NRG1: variants seen among roughly 807,000 people sequenced by gnomAD.
NRG1 encodes the protein pro-neuregulin-1, membrane-bound isoform.
In NRG1, 18 loss-of-function variants were observed where a neutral mutation model predicts 63.8. The observed-to-expected ratio is 0.28, with a 90% CI of 0.19 to 0.42. The LOEUF is 0.42. Among genes scored for constraint, NRG1 ranks in the 10% least tolerant of loss-of-function variants. The probability of loss-of-function intolerance (pLI) is 1.00; values close to 1 mark genes in which losing one functional copy is unlikely to be tolerated. For synonymous variants in NRG1, 302 were observed against 301.3 expected (o/e 1.00, Z -0.02); for missense variants, 762 against 814.7 (o/e 0.94, Z 0.79).
At chr8:32,045,552 G>A (rs779163982) in intron 1 of NRG1, among the ~76,000 whole-genome samples, 35 of 151,898 alleles carry the variant, frequency 2.3e-4, no homozygotes, top group Non-Finnish European at 5.0e-4. Flanking sequence ...GAGAAATTAT[G>A]TGCTCAATTT....
chr8:31,989,274 G>GAAAAAAAA (rs1554594375), intron 1 of NRG1, among the ~76,000 whole-genome samples: 1 of 57,246 alleles, frequency 1.7e-5, no homozygotes, highest in Non-Finnish European at 3.6e-5. Context: ...AAAAAAAAAA[G>GAAAAAAAA]AACAAAACAA....
In NRG1 at chr8:32,366,053, T is replaced by C. The variant is rs954126965; in HGVS notation, c.38-229775T>C. 7.2e-5 allele frequency among the ~76,000 whole-genome samples: 11 copies of C among 152,298 alleles called. No individual in the cohort carries two copies. In the East Asian group the frequency reaches 1.9e-3, roughly 27 times the overall value. ...GAGGTCAGTTGCTCCTCAAAACTCT[T>C]ATTTTTCAGAATTTTGTGCAGGAAT... is the stretch of plus-strand genomic sequence containing the variant. On this transcript the variant is annotated intron_variant, in intron 1 of 10. Transcript: ENST00000519301.
At chr8:31,773,203 GA>G (rs1818803366) in intron 1 of NRG1, among the ~76,000 whole-genome samples, 1 of 152,216 alleles carries the variant, frequency 6.6e-6, no homozygotes, top group South Asian at 2.1e-4. Context: ...TTAAAAAGGG[GA>G]AAGTGTGGCA....
chr8:32,733,924 A>AGACACG (rs1413823035), intron 6 of NRG1, among the ~76,000 whole-genome samples: 2 of 152,220 alleles, frequency 1.3e-5, no homozygotes, highest in African/African-American at 2.4e-5. Flanking sequence ...TCTTTCTCTG[A>AGACACG]GACACGGTAA....
At chr8:32,345,836 C>A (rs998257143) in intron 1 of NRG1, among the ~76,000 whole-genome samples, 1 of 151,626 alleles carries the variant, frequency 6.6e-6, no homozygotes, top group Non-Finnish European at 1.5e-5. Flanking sequence ...CGGCCAACCC[C>A]ATCTCTACTA....
At position 32,133,645 on chromosome 8, in the gene NRG1, G is replaced by T. The variant is rs4733111; in HGVS notation, c.38-462183G>T. On this transcript the variant is annotated intron_variant, in intron 1 of 10. Coordinates refer to the NRG1 transcript ENST00000519301. ...TTTTATTTTATCACTCATTATTAAT[G>T]CTTCATACGAAAACTAGATTTATGA... 7.1e-3 allele frequency among the ~76,000 whole-genome samples: 1,085 copies of T among 152,108 alleles called. 55 individuals carry two copies. Among genetic ancestry groups the T allele is most frequent in the Admixed American group, 0.063 (961 of 15,248 alleles).
intron 1 of NRG1, among the ~76,000 whole-genome samples, chr8:31,976,451 C>T (rs148495026): frequency 6.2e-4 from 94 of 152,262 alleles, no homozygotes; most frequent in African/African-American, 2.1e-3. Context: ...GCCCATGACG[C>T]TCACTACCAC....
At chr8:31,722,237 C>T (rs544383775) in intron 1 of NRG1, among the ~76,000 whole-genome samples, 1 of 152,200 alleles carries the variant, frequency 6.6e-6, no homozygotes, top group South Asian at 2.1e-4. Context: ...TGGTATACTA[C>T]TGCGATTTTC....
intron 1 of NRG1, among the ~76,000 whole-genome samples, chr8:31,768,732 A>G (rs1818323910): frequency 6.6e-6 from 1 of 152,180 alleles, no homozygotes; most frequent in Non-Finnish European, 1.5e-5. Context: ...TCCTTCTTAC[A>G]TAGAGACTTG....
intron 1 of NRG1, among the ~76,000 whole-genome samples, chr8:31,985,459 T>C (rs1809904736): frequency 6.6e-6 from 1 of 152,086 alleles, no homozygotes; most frequent in Non-Finnish European, 1.5e-5. Context: ...TCATGGTCAC[T>C]AAAAGAAGGG....
intron 1 of NRG1, among the ~76,000 whole-genome samples, chr8:31,967,056 A>T (rs917988654): frequency 1.3e-5 from 2 of 152,148 alleles, no homozygotes; most frequent in African/African-American, 4.8e-5. Flanking sequence ...GTATTTAGTG[A>T]TTATGTGCTA....
chr8:32,553,057 C>T (rs1834451851), intron 1 of NRG1, among the ~76,000 whole-genome samples: 1 of 152,186 alleles, frequency 6.6e-6, no homozygotes, highest in African/African-American at 2.4e-5. Flanking sequence ...TGCCAGATGG[C>T]CTAGTCCTTA....
intron 1 of NRG1, among the ~76,000 whole-genome samples, chr8:32,058,912 CTG>C (rs1162245433): frequency 6.6e-6 from 1 of 152,016 alleles, no homozygotes; most frequent in Non-Finnish European, 1.5e-5. Context: ...ATCACTCTTT[CTG>C]TGTTTAGATT....
At chr8:32,513,897 A>G (rs928905474) in intron 1 of NRG1, among the ~76,000 whole-genome samples, 1 of 152,292 alleles carries the variant, frequency 6.6e-6, no homozygotes, top group South Asian at 2.1e-4. Context: ...AAAACGGACC[A>G]TCTAAATGGG....
chr8:32,141,400 T>C (rs567576229), intron 1 of NRG1, among the ~76,000 whole-genome samples: 3 of 151,892 alleles, frequency 2.0e-5, no homozygotes, highest in African/African-American at 7.2e-5. Context: ...GCTAATACCT[T>C]ATAGAGACAT....
rs71208141 is a variant in NRG1, at chr8:31,807,948, C to CGTGTGTGTGT, written c.37+168536_37+168545dup. On this transcript the variant is annotated intron_variant, in intron 1 of 10. Coordinates refer to the NRG1 transcript ENST00000519301. ...CTTTTTTAAGGCTCAAGAGTATTCG[C>CGTGTGTGTGT]GTGTGTGTGTGTGTGTGTGTGTGTG... 1.1e-3 allele frequency among the ~76,000 whole-genome samples: 157 copies of CGTGTGTGTGT among 137,154 alleles called. 1 individual carries two copies. The highest frequency in any genetic ancestry group is 7.8e-3 in the Middle Eastern group (2 of 258). 90.0% of individuals were successfully genotyped at this position (137,154 alleles called of 152,430 possible).
intron 1 of NRG1, among the ~76,000 whole-genome samples, chr8:31,884,389 G>T (rs1002691561): frequency 6.6e-6 from 1 of 152,026 alleles, no homozygotes; most frequent in Non-Finnish European, 1.5e-5. Flanking sequence ...AACCATTTTT[G>T]ATCTCTGATC....
chr8:32,747,732 G>GTGTATA (rs1264111970), intron 7 of NRG1, among the ~76,000 whole-genome samples: 57 of 132,108 alleles, frequency 4.3e-4, no homozygotes, highest in Middle Eastern at 3.8e-3. Context: ...ATGTGTGTGT[G>GTGTATA]TATATATATA....
At chr8:32,647,792 A>C (rs1853966025) in intron 5 of NRG1, 1 of 1,613,812 alleles carries the variant, frequency 6.2e-7, no homozygotes. Context: ...AGCTGAGTGC[A>C]GACCCATCTC....
Sources: allele counts gnomAD v4.1 joint callset (sites outside exome capture counted in the v4.1 genomes callset), GRCh38; gene constraint gnomAD v4.1.1; transcripts MANE v1.5; gene names NCBI Gene and HGNC (gene_info 2026-07-23, HGNC 2026-07-21).